The following ADCK1 variants were observed in gnomAD, a reference collection of about 807,000 sequenced individuals.
ADCK1 encodes aarF domain containing kinase 1, also known as aarF domain-containing protein kinase 1.
ADCK1 carries 41 observed loss-of-function variants against 52.3 expected under a neutral mutation model. The observed-to-expected ratio is 0.78, with a 90% CI of 0.61 to 1.02. The LOEUF is 1.02. Among genes scored for constraint, ADCK1 ranks in the 50% least tolerant of loss-of-function variants. The pLI, the probability that ADCK1 is intolerant of heterozygous loss-of-function variation, is 0.00. For synonymous variants in ADCK1, 250 were observed against 274.6 expected (o/e 0.91, Z 0.89); for missense variants, 658 against 679.5 (o/e 0.97, Z 0.35).
At chr14:77,816,946 CTT>C (rs2081467702) in intron 1 of ADCK1, among the ~76,000 whole-genome samples, 1 of 146,410 alleles carries the variant, frequency 6.8e-6, no homozygotes, top group African/African-American at 2.5e-5. Context: ...TCAAAGTAGA[CTT>C]TAAAGAAAAT....
chr14:77,907,736 C>T lies in ADCK1; in HGVS notation c.742-67C>T, dbSNP rs1036762985. The T allele has an allele frequency of 1.5e-5, 19 of 1,250,040 alleles. No individual in the cohort carries two copies. The African/African-American group carries it at 2.2e-4, about 15-fold the overall frequency. 77.4% of individuals were successfully genotyped at this position (1,250,040 alleles called of 1,614,324 possible). ...CTCTGTTGCTGTCTGGCTCGCTGTG[C>T]CACATTGTCATCCTTGCCCGATTCC... On this transcript the variant is annotated intron_variant, in intron 6 of 10. Transcript: ENST00000238561.
intron 5 of ADCK1, among the ~76,000 whole-genome samples, chr14:77,892,129 C>T (rs768450503): frequency 2.0e-5 from 3 of 152,124 alleles, no homozygotes; most frequent in Admixed American, 6.5e-5. Flanking sequence ...CTCTCCTCTG[C>T]CCCATAATTG....
chr14:77,895,000 G>T (rs966021437), intron 5 of ADCK1, among the ~76,000 whole-genome samples: 6 of 152,064 alleles, frequency 3.9e-5, no homozygotes, highest in African/African-American at 1.4e-4. Flanking sequence ...TGATCTGTCC[G>T]TCTTGGCCTC....
intron 5 of ADCK1, among the ~76,000 whole-genome samples, chr14:77,888,109 G>A (rs774950209): frequency 2.6e-5 from 4 of 152,136 alleles, no homozygotes; most frequent in Non-Finnish European, 4.4e-5. Flanking sequence ...AACAGTCACA[G>A]CGTGTTTGCA....
Position 77,883,700 on chromosome 14 carries a change from G to A in ADCK1, c.424-3391G>A, listed in dbSNP as rs553046583. Among the ~76,000 whole-genome samples the A allele has an allele frequency of 4.6e-5, 7 of 152,278 alleles. No individual in the cohort carries two copies. The South Asian group carries it at 1.4e-3, about 32-fold the overall frequency. On this transcript the variant is annotated intron_variant, in intron 4 of 10. Coordinates refer to ENST00000238561, the MANE Select transcript of ADCK1 (RefSeq NM_020421.4). ...AAAAGATGGCTGCAGGGACACTGGG[G>A]AGGTGGTGGGGTGGGGTGTCTGTGT...
intron 4 of ADCK1, 150 bp from the exon 5 acceptor site, chr14:77,886,940 AC>A: frequency 1.7e-6 from 1 of 604,256 alleles, no homozygotes; most frequent in Non-Finnish European, 2.4e-6. Context: ...ACACACACAC[AC>A]GCACAACACA....
chr14:77,846,143 C>T (rs908222594), intron 3 of ADCK1, among the ~76,000 whole-genome samples: 2 of 152,280 alleles, frequency 1.3e-5, no homozygotes, highest in African/African-American at 4.8e-5. Context: ...CAGAACATCA[C>T]TATAGTATCT....
chr14:77,931,448 A>C lies in ADCK1; in HGVS notation c.1207-70A>C, dbSNP rs2084331163. The C allele has an allele frequency of 1.1e-5, 16 of 1,509,442 alleles. No homozygotes were observed. In the Admixed American group the frequency reaches 2.5e-4, roughly 23 times the overall value. The allele number at this position is 1,509,442 out of a possible 1,614,324, so 93.5% of individuals were successfully genotyped here. ...TGCAGCCCTCTGGTCACAGCCTGCCAGACCCCTGCCACCCCTGGCCCCACT... is the reference window on the plus strand; with the variant it reads ...TGCAGCCCTCTGGTCACAGCCTGCCCGACCCCTGCCACCCCTGGCCCCACT... On this transcript the variant is annotated intron_variant, in intron 9 of 10. Coordinates refer to ENST00000238561, the MANE Select transcript of ADCK1 (RefSeq NM_020421.4).
chr14:77,931,444 T>C, intron 9 of ADCK1, 74 bp from the exon 10 acceptor site: 1 of 1,486,942 alleles, frequency 6.7e-7, no homozygotes. Context: ...GGTCACAGCC[T>C]GCCAGACCCC....
At chr14:77,805,441 T>C (rs2081203302) in intron 1 of ADCK1, among the ~76,000 whole-genome samples, 1 of 151,654 alleles carries the variant, frequency 6.6e-6, no homozygotes, top group African/African-American at 2.4e-5. Context: ...TTTGTATTTT[T>C]AGTAGAGACA....
At chr14:77,824,240 C>G (rs2081643837) in intron 3 of ADCK1, among the ~76,000 whole-genome samples, 1 of 152,026 alleles carries the variant, frequency 6.6e-6, no homozygotes, top group Admixed American at 6.6e-5. Flanking sequence ...AAATGCAAAT[C>G]TCAGGCATCA....
At chr14:77,848,562 T>A (rs1039704188) in intron 3 of ADCK1, among the ~76,000 whole-genome samples, 1 of 152,034 alleles carries the variant, frequency 6.6e-6, no homozygotes, top group African/African-American at 2.4e-5. Flanking sequence ...ACCTCCTGGG[T>A]TCAAATAATT....
intron 3 of ADCK1, 112 bp from the exon 4 acceptor site, chr14:77,858,964 T>C: frequency 9.9e-7 from 1 of 1,005,848 alleles, no homozygotes; most frequent in Non-Finnish European, 1.5e-6. Flanking sequence ...GCATCTGCCC[T>C]GGGCATTGTG....
intron 5 of ADCK1, among the ~76,000 whole-genome samples, chr14:77,895,701 T>C (rs1301934225): frequency 6.6e-6 from 1 of 152,228 alleles, no homozygotes; most frequent in Non-Finnish European, 1.5e-5. Context: ...TTTTACTTTC[T>C]TCAGCCAAGA....
chr14:77,845,963 T>G (rs2140102091), intron 3 of ADCK1, among the ~76,000 whole-genome samples: 1 of 152,288 alleles, frequency 6.6e-6, no homozygotes, highest in South Asian at 2.1e-4. Context: ...TGGTGCTGGA[T>G]CTGTAACTAC....
chr14:77,817,821 C>T (rs1347918638), intron 1 of ADCK1, among the ~76,000 whole-genome samples: 2 of 152,026 alleles, frequency 1.3e-5, no homozygotes, highest in East Asian at 1.9e-4. Context: ...CTGCAAGCTC[C>T]GCCTTCCGGG....
chr14:77,890,775 T>G (rs967824234), intron 5 of ADCK1, among the ~76,000 whole-genome samples: 1 of 152,190 alleles, frequency 6.6e-6, no homozygotes, highest in African/African-American at 2.4e-5. Context: ...GTGGAGACTC[T>G]TCATGGAGAA....
chr14:77,888,382 A>G (rs2083208027), intron 5 of ADCK1, among the ~76,000 whole-genome samples: 1 of 152,290 alleles, frequency 6.6e-6, no homozygotes, highest in East Asian at 1.9e-4. Context: ...TGTATGGTCA[A>G]CACTCACTAC....
At chr14:77,913,727 G>A (rs1421604902) in intron 7 of ADCK1, among the ~76,000 whole-genome samples, 2 of 152,256 alleles carry the variant, frequency 1.3e-5, no homozygotes, top group South Asian at 2.1e-4. Context: ...AGACAGGAGT[G>A]TAGGGGCAGC....
Sources: gnomAD v4.1 joint callset for allele counts (sites outside exome capture counted in the v4.1 genomes callset) on GRCh38, gnomAD v4.1.1 for gene constraint, MANE v1.5 for transcripts, NCBI Gene and HGNC (gene_info 2026-07-23, HGNC 2026-07-21) for gene names.